OXR1: variants seen among roughly 807,000 people sequenced by gnomAD.
OXR1 encodes oxidation resistance 1.
Under a neutral mutation model 104.6 loss-of-function variants are expected in OXR1, and 41 were observed. That is an observed-to-expected ratio of 0.39 (90% confidence interval 0.31 to 0.51). The LOEUF (loss-of-function observed/expected upper bound fraction) is 0.51. Ranked by LOEUF, OXR1 falls within the 20% of genes least tolerant of loss-of-function variation. The pLI is 0.77. For synonymous variants in OXR1, 348 were observed against 348.4 expected, an observed-to-expected ratio of 1.00 and a Z score of 0.01; for missense variants, 955 against 1,031.9, an observed-to-expected ratio of 0.93 and a Z score of 1.02.
At chr8:106,357,138 A>G (rs756403754) in intron 1 of OXR1, among the ~76,000 whole-genome samples, 2 of 152,052 alleles carry the variant, frequency 1.3e-5, no homozygotes, top group Non-Finnish European at 2.9e-5. Context: ...TCCTCTAAAG[A>G]TGGAATTAAA....
chr8:106,507,327 G>A (rs1812234839), intron 2 of OXR1, among the ~76,000 whole-genome samples: 1 of 152,062 alleles, frequency 6.6e-6, no homozygotes, highest in African/African-American at 2.4e-5. Flanking sequence ...TACAAATGAG[G>A]AAACTATGGA....
At chr8:106,710,453 C>T (rs1831579080) in intron 9 of OXR1, among the ~76,000 whole-genome samples, 169 bp from the exon 10 acceptor site, 1 of 151,884 alleles carries the variant, frequency 6.6e-6, no homozygotes, top group Non-Finnish European at 1.5e-5. Context: ...GTATCTGTGA[C>T]TTTACCTTTG....
intron 1 of OXR1, among the ~76,000 whole-genome samples, chr8:106,314,613 C>G (rs1452123923): frequency 6.6e-6 from 1 of 152,164 alleles, no homozygotes; most frequent in African/African-American, 2.4e-5. Flanking sequence ...GGAACATGAA[C>G]TTATAAATGA....
At chr8:106,271,554 G>T (rs1017798074) in intron 1 of OXR1, among the ~76,000 whole-genome samples, 1 of 152,068 alleles carries the variant, frequency 6.6e-6, no homozygotes, top group Non-Finnish European at 1.5e-5. Flanking sequence ...GTGTGCGTGT[G>T]TGCGCGCGCG....
chr8:106,692,897 A>G lies in OXR1; in HGVS notation c.675+20A>G, dbSNP rs773632188. The G allele has an allele frequency of 5.2e-6, 8 of 1,551,392 alleles. No individual in the cohort carries two copies. The African/African-American group carries it at 8.2e-5, about 16-fold the overall frequency. On this transcript the variant is annotated intron_variant, in intron 7 of 16. Coordinates refer to ENST00000517566, the MANE Select transcript of OXR1 (RefSeq NM_001198533.2). ...GGCAAGGTAAAGAATGACACTTTAG[A>G]GAAGACCTTTAATCATGCTTTAGTT...
intron 4 of OXR1, among the ~76,000 whole-genome samples, chr8:106,680,382 A>G (rs1366005584): frequency 1.3e-5 from 2 of 152,078 alleles, no homozygotes; most frequent in Admixed American, 6.5e-5. Flanking sequence ...AGATATATAC[A>G]TGTTTTTATC....
In OXR1 at chr8:106,707,248, A is replaced by T. The variant is rs28921421; in HGVS notation, c.1624+103A>T. 629 of 930,602 alleles carry T rather than the reference A, an allele frequency of 6.8e-4. 2 individuals are homozygous for T. The African/African-American group carries it at 9.3e-3, about 14-fold the overall frequency. 57.6% of individuals were successfully genotyped at this position (930,602 alleles called of 1,614,324 possible). ...GCTGTACCTTAGGGCAACCTGAAGG[A>T]TAAGTGAGTGACCCTTGACCGGTGA... is the stretch of plus-strand genomic sequence containing the variant. On this transcript the variant is annotated intron_variant, in intron 9 of 16. Coordinates refer to ENST00000517566, the MANE Select transcript of OXR1 (RefSeq NM_001198533.2).
At chr8:106,557,888 A>G (rs1816402260) in intron 3 of OXR1, among the ~76,000 whole-genome samples, 1 of 152,222 alleles carries the variant, frequency 6.6e-6, no homozygotes, top group Admixed American at 6.5e-5. Context: ...CCATCTCAAT[A>G]AAGAAGGAAA....
intron 3 of OXR1, among the ~76,000 whole-genome samples, chr8:106,649,909 A>G (rs183437124): frequency 4.7e-4 from 72 of 152,144 alleles, no homozygotes; most frequent in South Asian, 2.1e-3. Context: ...TGTTAGCCAG[A>G]ATGGTCTCGA....
At chr8:106,705,585 A>AT (rs1295488377) in intron 8 of OXR1, among the ~76,000 whole-genome samples, 6 of 152,246 alleles carry the variant, frequency 3.9e-5, no homozygotes, top group Admixed American at 3.9e-4. Flanking sequence ...AACTCATATA[A>AT]TTTTCATTTA....
chr8:106,720,189 A>G (rs1229504703), intron 11 of OXR1, among the ~76,000 whole-genome samples: 1 of 152,098 alleles, frequency 6.6e-6, no homozygotes, highest in Non-Finnish European at 1.5e-5. Flanking sequence ...TACCTTTTCC[A>G]CCATACCAAG....
At chr8:106,641,030 A>C (rs1033113231) in intron 3 of OXR1, among the ~76,000 whole-genome samples, 2 of 152,256 alleles carry the variant, frequency 1.3e-5, no homozygotes, top group South Asian at 2.1e-4. Flanking sequence ...ATCTACATAG[A>C]CAGTAGTATA....
chr8:106,426,291 A>T (rs1819116232), intron 2 of OXR1, among the ~76,000 whole-genome samples: 1 of 152,032 alleles, frequency 6.6e-6, no homozygotes, highest in South Asian at 2.1e-4. Context: ...CTGCCTCTAA[A>T]GGCCTCTAAT....
chr8:106,540,646 T>C (rs1814882664), intron 3 of OXR1, among the ~76,000 whole-genome samples: 1 of 152,204 alleles, frequency 6.6e-6, no homozygotes, highest in Non-Finnish European at 1.5e-5. Context: ...AAAGACATAC[T>C]GGAGACTGGG....
At chr8:106,698,392 G>T (rs1474961770) in intron 7 of OXR1, among the ~76,000 whole-genome samples, 1 of 151,974 alleles carries the variant, frequency 6.6e-6, no homozygotes, top group East Asian at 1.9e-4. Flanking sequence ...TATTTGTTTT[G>T]CTGGGGGTTC....
intron 14 of OXR1, 97 bp from the exon 15 acceptor site, chr8:106,742,125 C>G: frequency 1.4e-6 from 1 of 729,524 alleles, no homozygotes; most frequent in South Asian, 1.7e-5. Context: ...TACCAGATTT[C>G]TATTTTTTGC....
rs80126320 is a variant in OXR1, at chr8:106,481,170, C to T, written c.24-37773C>T. Reference sequence around the variant, plus strand: ...GGCAAGTGCTTTAGTAAAACATACTCAGATCTTAGAATCTTAAATAGTTGG... The same window carrying T: ...GGCAAGTGCTTTAGTAAAACATACTTAGATCTTAGAATCTTAAATAGTTGG... On this transcript the variant is annotated intron_variant, in intron 2 of 16. Coordinates refer to ENST00000517566, the MANE Select transcript of OXR1 (RefSeq NM_001198533.2). Among the ~76,000 whole-genome samples the T allele has an allele frequency of 3.8e-3, 578 of 152,058 alleles. 3 individuals are homozygous for T. The highest frequency in any genetic ancestry group is 0.013 in the African/African-American group (545 of 41,522).
intron 1 of OXR1, among the ~76,000 whole-genome samples, chr8:106,277,859 T>C (rs1398619594): frequency 1.3e-5 from 2 of 152,150 alleles, no homozygotes; most frequent in Non-Finnish European, 2.9e-5. Context: ...CAAATATCCC[T>C]GGTCAGGTCA....
chr8:106,640,464 G>A (rs947871010), intron 3 of OXR1, among the ~76,000 whole-genome samples: 1 of 151,478 alleles, frequency 6.6e-6, no homozygotes, highest in African/African-American at 2.4e-5. Context: ...AATCATCATT[G>A]AGACCTTAAG....
Sources: allele counts gnomAD v4.1 joint callset (sites outside exome capture counted in the v4.1 genomes callset), GRCh38; gene constraint gnomAD v4.1.1; transcripts MANE v1.5; gene names NCBI Gene and HGNC (gene_info 2026-07-23, HGNC 2026-07-21).